ITGA2B: variants seen among roughly 807,000 people sequenced by gnomAD.
ITGA2B encodes integrin alpha-IIb.
A neutral mutation model predicts 142.0 loss-of-function variants in ITGA2B; 91 were observed. The ratio of observed to expected loss-of-function variants is 0.64; its 90% CI spans 0.54 to 0.76. ITGA2B has a LOEUF of 0.76. Among genes scored for constraint, ITGA2B ranks in the 30% least tolerant of loss-of-function variants. The probability of loss-of-function intolerance (pLI) is 0.00; values close to 1 mark genes in which losing one functional copy is unlikely to be tolerated. For synonymous variants in ITGA2B, 536 were observed against 567.2 expected, an observed-to-expected ratio of 0.94 and a Z score of 0.78; for missense variants, 1,231 against 1,350.8, an observed-to-expected ratio of 0.91 and a Z score of 1.39.
rs2048631808 is a variant in ITGA2B, at chr17:44,385,031, C to A, written c.716G>T (p.Arg239Leu). Reference protein sequence around the residue: ...APVADIFSSYRPGILLWHVSS... With the variant: ...APVADIFSSYLPGILLWHVSS... Reference sequence around the variant, plus strand: ...CACGTGCCACAAAAGGATGCCTGGGCGGTAACTCGAGAAAATATCCGCAAC... The same window carrying A: ...CACGTGCCACAAAAGGATGCCTGGGAGGTAACTCGAGAAAATATCCGCAAC... The change falls in exon 7 of 30, where the codon CGC becomes CTC. Residue 239 changes from arginine to leucine, a missense_variant. By Grantham distance (102) the Arg-to-Leu change is moderately radical. Transcript: ENST00000262407. 1.9e-6 allele frequency: 3 copies of A among 1,613,852 alleles called. No homozygotes were observed. Among genetic ancestry groups the A allele is most frequent in the East Asian group, 4.5e-5 (2 of 44,852 alleles).
At chr17:44,386,226 A>G (rs769079624) in intron 1 of ITGA2B, 95 bp from the exon 2 acceptor site, 55 of 1,521,360 alleles carry the variant, frequency 3.6e-5, no homozygotes, top group Admixed American at 1.8e-4. Flanking sequence ...GCCATGTGGC[A>G]TGGGGGCACT....
intron 1 of ITGA2B, among the ~76,000 whole-genome samples, chr17:44,387,757 A>G (rs2048662271): frequency 1.4e-5 from 2 of 143,116 alleles, no homozygotes; most frequent in Admixed American, 1.4e-4. Flanking sequence ...CCCGGGAGGC[A>G]GAAGTTGCGG....
At chr17:44,377,150 G>T in intron 21 of ITGA2B, 62 bp from the exon 22 acceptor site, 5 of 1,221,632 alleles carry the variant, frequency 4.1e-6, no homozygotes, top group Non-Finnish European at 5.9e-6. Context: ...GCCCTGCCCT[G>T]AATGTGGCCT....
In ITGA2B at chr17:44,380,466, A is replaced by G. The variant is rs2048585475; in HGVS notation, c.1464T>C (p.Ser488=). 6.2e-7 allele frequency: 1 copy of G among 1,614,154 alleles called. No homozygotes were observed. Among genetic ancestry groups the G allele is most frequent in the Non-Finnish European group, 8.5e-7 (1 of 1,180,018 alleles). The change falls in exon 15 of 30, where the codon TCT becomes TCC. Residue 488 remains serine, a synonymous_variant. Coordinates refer to ENST00000262407, the MANE Select transcript of ITGA2B (RefSeq NM_000419.5). ...VYRAQPVVKA[S]VQLLVQDSLN... The stretch of plus-strand genomic sequence containing the variant: ...GTGAATCTTGCACCAGTAGCTGGAC[A>G]GAGGCCTTCACCACTGGCTGAGCTC...
rs558182052 is a variant in ITGA2B, at chr17:44,389,606, G to A, written c.-133C>T. ...TTGCTGAGCAACGGGCAGAGCAAAG[G>A]GCTATAGCCCCTGGACTCATGGTGG... On this transcript the variant is annotated 5_prime_UTR_variant, in exon 1 of 30. Coordinates refer to ENST00000262407, the MANE Select transcript of ITGA2B (RefSeq NM_000419.5). 3.5e-5 allele frequency: 35 copies of A among 1,008,848 alleles called. No homozygotes were observed. The African/African-American group carries it at 5.1e-4, about 15-fold the overall frequency. The allele number at this position is 1,008,848 out of a possible 1,614,324, so 62.5% of individuals were successfully genotyped here.
At chr17:44,387,717 C>T (rs1304443542) in intron 1 of ITGA2B, among the ~76,000 whole-genome samples, 1 of 145,486 alleles carries the variant, frequency 6.9e-6, no homozygotes, top group South Asian at 2.3e-4. Context: ...CCCAGCTACG[C>T]GGGAGGCTGT....
In ITGA2B at chr17:44,375,934, G is replaced by C; in HGVS notation, c.2500C>G (p.Leu834Val). ...TCGGAGGGCTGGGACTGTCCCGGAA[G>C]GTGGATGCTGAGGTGAAGACCATTC... The part of the protein sequence containing the change: ...TVNGLHLSIH[L>V]PGQSQPSDLL... Residue 834 changes from leucine to valine, a missense_variant, in exon 25 of 30, where the codon CTT becomes GTT. Coordinates refer to ENST00000262407, the MANE Select transcript of ITGA2B (RefSeq NM_000419.5). 1 of 1,614,084 alleles carries C rather than the reference G, an allele frequency of 6.2e-7. No individual in the cohort carries two copies. Among genetic ancestry groups the C allele is most frequent in the Non-Finnish European group, 8.5e-7 (1 of 1,180,024 alleles).
chr17:44,379,545 T>G (rs1364967022), intron 18 of ITGA2B, 144 bp downstream of exon 18: 5 of 1,334,552 alleles, frequency 3.7e-6, no homozygotes, highest in African/African-American at 1.4e-5. Flanking sequence ...TGAGCCACCA[T>G]GACTGGCTGG....
intron 13 of ITGA2B, 111 bp from the exon 14 acceptor site, chr17:44,380,756 C>T (rs772664304): frequency 6.3e-7 from 1 of 1,589,600 alleles, no homozygotes; most frequent in African/African-American, 1.3e-5. Flanking sequence ...TCACCCAGCC[C>T]CTCTGGCAGT....
At position 44,380,960 on chromosome 17, in the gene ITGA2B, G is replaced by C; in HGVS notation, c.1312C>G (p.Leu438Val). 4 of 1,614,144 alleles carry C rather than the reference G, an allele frequency of 2.5e-6. No homozygotes were observed. The South Asian group carries it at 4.4e-5, about 18-fold the overall frequency. The change falls in exon 13 of 30, where the codon CTG becomes GTG. Residue 438 changes from leucine to valine, a missense_variant. Around this residue, in one of 3 missense-constraint regions of ITGA2B, gnomAD observed 908 missense variants for 1,021.1 expected, o/e 0.89. Coordinates refer to ENST00000262407, the MANE Select transcript of ITGA2B (RefSeq NM_000419.5). ...EGLRSRPSQV[L>V]DSPFPTGSAF... ...GAGCCTGTGGGGAAGGGGCTGTCCA[G>C]GACCTGGGAGGGACGTGACCTCAGC...
At chr17:44,384,388 G>A in intron 8 of ITGA2B, 34 bp from the exon 9 acceptor site, 2 of 1,613,626 alleles carry the variant, frequency 1.2e-6, no homozygotes, top group Non-Finnish European at 1.7e-6. Flanking sequence ...CAGGGAATGA[G>A]AGCCTTAGAA....
intron 22 of ITGA2B, 115 bp from the exon 23 acceptor site, chr17:44,376,503 C>T (rs1050232582): frequency 2.2e-6 from 2 of 909,070 alleles, no homozygotes. Context: ...AAAGAGCATG[C>T]CACACTGAAG....
intron 29 of ITGA2B, 106 bp from the exon 30 acceptor site, chr17:44,372,529 G>T: frequency 1.1e-6 from 1 of 918,046 alleles, no homozygotes. Flanking sequence ...GACCAGCGCA[G>T]AACATGAAGC....
At chr17:44,383,836 G>A in intron 11 of ITGA2B, 58 bp downstream of exon 11, 1 of 1,600,458 alleles carries the variant, frequency 6.2e-7, no homozygotes, top group Non-Finnish European at 8.5e-7. Flanking sequence ...GGGAGACAGA[G>A]GGCAGCTCTG....
intron 1 of ITGA2B, among the ~76,000 whole-genome samples, chr17:44,388,815 T>C (rs9910236): frequency 0.33 from 20,220 of 60,720 alleles, 2,735 homozygotes; most frequent in African/African-American, 0.46. Context: ...CTGTGCCTGG[T>C]CTCTTTTTTT....
chr17:44,373,104 T>C (rs2048510811), intron 29 of ITGA2B, among the ~76,000 whole-genome samples: 1 of 152,078 alleles, frequency 6.6e-6, no homozygotes, highest in Non-Finnish European at 1.5e-5. Context: ...CCCAAACTCC[T>C]GGCCTCAAGT....
intron 7 of ITGA2B, 116 bp downstream of exon 7, chr17:44,384,832 T>C: frequency 5.2e-6 from 8 of 1,531,974 alleles, no homozygotes; most frequent in Non-Finnish European, 7.2e-6. Context: ...GGGAGCGGCT[T>C]AGGCGGTGGG....
At position 44,376,335 on chromosome 17, in the gene ITGA2B, C is replaced by G. The variant is rs146892478; in HGVS notation, c.2321G>C (p.Arg774Pro). ...SKIVLLDVPV[R>P]AEAQVELRGN... ...TCGCAGCTCCACTTGGGCCTCTGCCCGGACCGGCACGTCCAGCAGCACAAT... is the reference window on the plus strand; with the variant it reads ...TCGCAGCTCCACTTGGGCCTCTGCCGGGACCGGCACGTCCAGCAGCACAAT... The change falls in exon 23 of 30, where the codon CGG (arginine) becomes CCG (proline). Residue 774 changes from arginine (R) to proline (P), a missense_variant. Arg to Pro is a moderately radical substitution (Grantham distance 103). Around this residue, in one of 3 missense-constraint regions of ITGA2B, gnomAD observed 908 missense variants for 1,021.1 expected, o/e 0.89. Coordinates refer to ENST00000262407, the MANE Select transcript of ITGA2B (RefSeq NM_000419.5). 1.2e-6 allele frequency: 2 copies of G among 1,614,122 alleles called. No individual in the cohort carries two copies. The highest frequency in any genetic ancestry group is 1.7e-5 in the Admixed American group (1 of 60,024).
chr17:44,384,046 C>T (rs1292507572), intron 10 of ITGA2B, 39 bp downstream of exon 10: 2 of 1,613,808 alleles, frequency 1.2e-6, no homozygotes, highest in Admixed American at 1.7e-5. Flanking sequence ...TCTCAGTTCC[C>T]CCTCCACCCA....
Sources: allele counts gnomAD v4.1 joint callset (sites outside exome capture counted in the v4.1 genomes callset), GRCh38; gene constraint gnomAD v4.1.1; regional missense constraint gnomAD v4.1.1; transcripts MANE v1.5; gene names NCBI Gene and HGNC (gene_info 2026-07-23, HGNC 2026-07-21).